Variants in CACNA2D3 observed in about 807,000 individuals in gnomAD.
CACNA2D3 encodes the protein calcium voltage-gated channel auxiliary subunit alpha2delta 3.
Under a neutral mutation model 160.6 loss-of-function variants are expected in CACNA2D3, and 60 were observed. That is an observed-to-expected ratio of 0.37 (90% CI 0.30 to 0.46). CACNA2D3 has a LOEUF of 0.46. Ranked by LOEUF, CACNA2D3 falls within the 20% of genes least tolerant of loss-of-function variation. The pLI is 1.00. For missense variants in CACNA2D3, 1,205 were observed against 1,365.0 expected (o/e 0.88, Z 1.85); for synonymous variants, 558 against 492.9 (o/e 1.13, Z -1.75).
chr3:54,966,395 A>T (rs978038877), intron 27 of CACNA2D3, among the ~76,000 whole-genome samples: 1 of 152,208 alleles, frequency 6.6e-6, no homozygotes, highest in Non-Finnish European at 1.5e-5. Context: ...ATGTTCTCCA[A>T]TGCTGGGAAG....
At chr3:54,802,631 CACAG>C (rs1703019021) in intron 13 of CACNA2D3, among the ~76,000 whole-genome samples, 1 of 152,142 alleles carries the variant, frequency 6.6e-6, no homozygotes, top group African/African-American at 2.4e-5. Context: ...GGGGGCAGGG[CACAG>C]ACAAACAAAA....
chr3:54,128,506 C>T (rs1160555342), intron 2 of CACNA2D3, among the ~76,000 whole-genome samples: 1 of 152,120 alleles, frequency 6.6e-6, no homozygotes, highest in Non-Finnish European at 1.5e-5. Flanking sequence ...GTGTGTTGGG[C>T]CTACCTAAAG....
At chr3:54,964,552 G>A (rs1029021386) in intron 27 of CACNA2D3, among the ~76,000 whole-genome samples, 1 of 152,106 alleles carries the variant, frequency 6.6e-6, no homozygotes, top group Non-Finnish European at 1.5e-5. Context: ...CAAAATAGAC[G>A]GGCTTGACAA....
rs1433636396 is a variant in CACNA2D3, at chr3:54,278,821, C to A, written c.205-41621C>A. ...GACACGGGGAGGGGAACATCACACA[C>A]CAGGGCCTGTCGGGGGATGGGGGGC... On this transcript the variant is annotated intron_variant, in intron 2 of 37. Coordinates refer to ENST00000474759, the MANE Select transcript of CACNA2D3 (RefSeq NM_018398.3). Among the ~76,000 whole-genome samples, 16 of 152,058 alleles carry A rather than the reference C, an allele frequency of 1.1e-4. 1 individual carries two copies.
In CACNA2D3 at chr3:54,966,743, C is replaced by T. The variant is rs138121654; in HGVS notation, c.2450-1707C>T. Among the ~76,000 whole-genome samples the T allele has an allele frequency of 8.1e-4, 123 of 152,192 alleles. No individual in the cohort carries two copies. In the Middle Eastern group the frequency reaches 0.014, roughly 17 times the overall value. ...CTGAGGCATGAGAATCACTTGAACC[C>T]GGGAAGCAGAGGTTGCAGTGAGCTG... is the stretch of plus-strand genomic sequence containing the variant. On this transcript the variant is annotated intron_variant, in intron 27 of 37. Coordinates refer to ENST00000474759, the MANE Select transcript of CACNA2D3 (RefSeq NM_018398.3).
At chr3:54,461,528 T>C (rs1700504377) in intron 4 of CACNA2D3, among the ~76,000 whole-genome samples, 1 of 151,662 alleles carries the variant, frequency 6.6e-6, no homozygotes, top group Non-Finnish European at 1.5e-5. Context: ...TCGAGGAATT[T>C]ATCCATTTCT....
At chr3:54,636,539 G>A (rs1280984631) in intron 10 of CACNA2D3, among the ~76,000 whole-genome samples, 1 of 151,954 alleles carries the variant, frequency 6.6e-6, no homozygotes, top group Non-Finnish European at 1.5e-5. Context: ...TGATTTTTAG[G>A]GCCTCTAAAA....
chr3:55,071,144 A>T (rs909908422), intron 35 of CACNA2D3, among the ~76,000 whole-genome samples: 1 of 152,104 alleles, frequency 6.6e-6, no homozygotes, highest in Admixed American at 6.5e-5. Flanking sequence ...TACTCTGAAT[A>T]TCTGTATATT....
intron 2 of CACNA2D3, among the ~76,000 whole-genome samples, chr3:54,178,192 G>A (rs983782781): frequency 6.6e-6 from 1 of 152,190 alleles, no homozygotes; most frequent in South Asian, 2.1e-4. Flanking sequence ...AACCCTCAGT[G>A]ATGCTAAGAC....
intron 35 of CACNA2D3, among the ~76,000 whole-genome samples, chr3:55,045,821 T>C (rs1704066385): frequency 1.3e-5 from 2 of 152,132 alleles, no homozygotes; most frequent in African/African-American, 4.8e-5. Context: ...AAAAGTTTAT[T>C]AGTTTTATTG....
At chr3:54,508,421 G>C (rs1209066498) in intron 5 of CACNA2D3, among the ~76,000 whole-genome samples, 1 of 152,194 alleles carries the variant, frequency 6.6e-6, no homozygotes, top group Non-Finnish European at 1.5e-5. Context: ...TAAGGTGAGA[G>C]CCCTTGGGCC....
chr3:54,462,996 G>C (rs1394783291), intron 4 of CACNA2D3, among the ~76,000 whole-genome samples: 2 of 150,580 alleles, frequency 1.3e-5, no homozygotes, highest in Non-Finnish European at 3.0e-5. Flanking sequence ...CTCAGCATTT[G>C]CTTGTCTTTA....
chr3:54,247,351 A>G (rs1226477801), intron 2 of CACNA2D3, among the ~76,000 whole-genome samples: 1 of 151,854 alleles, frequency 6.6e-6, no homozygotes, highest in Non-Finnish European at 1.5e-5. Context: ...ACCAAATCCC[A>G]CTATTGTCAA....
chr3:54,294,627 A>C (rs1647012029), intron 2 of CACNA2D3, among the ~76,000 whole-genome samples: 1 of 152,222 alleles, frequency 6.6e-6, no homozygotes, highest in South Asian at 2.1e-4. Context: ...TCTAAAAACA[A>C]CACACATGTG....
intron 21 of CACNA2D3, 139 bp from the exon 22 acceptor site, chr3:54,885,142 C>T (rs926401254): frequency 1.2e-5 from 9 of 743,868 alleles, no homozygotes; most frequent in Non-Finnish European, 1.8e-5. Context: ...AGAAAATAAA[C>T]CTGCTGCTCC....
intron 11 of CACNA2D3, among the ~76,000 whole-genome samples, chr3:54,737,180 A>ATG (rs1260108421): frequency 7.6e-5 from 7 of 91,794 alleles, no homozygotes; most frequent in African/African-American, 1.3e-4. Context: ...ATCCATGTGT[A>ATG]TATGTGTGTG....
chr3:54,185,503 T>G (rs1178409400), intron 2 of CACNA2D3, among the ~76,000 whole-genome samples: 2 of 152,200 alleles, frequency 1.3e-5, no homozygotes, highest in African/African-American at 2.4e-5. Flanking sequence ...GGGCTTTAGA[T>G]TTTTAGAGGT....
intron 11 of CACNA2D3, among the ~76,000 whole-genome samples, chr3:54,683,768 C>G (rs1252796575): frequency 6.6e-6 from 1 of 152,092 alleles, no homozygotes; most frequent in Non-Finnish European, 1.5e-5. Context: ...AGCTAGAAGT[C>G]TGAAATCAAG....
At chr3:54,686,557 T>C (rs994607934) in intron 11 of CACNA2D3, among the ~76,000 whole-genome samples, 1 of 152,228 alleles carries the variant, frequency 6.6e-6, no homozygotes, top group African/African-American at 2.4e-5. Context: ...TACTCTATAA[T>C]TTAGGCTTAG....
Sources: gnomAD v4.1 joint callset for allele counts (sites outside exome capture counted in the v4.1 genomes callset) on GRCh38, gnomAD v4.1.1 for gene constraint, MANE v1.5 for transcripts, NCBI Gene and HGNC (gene_info 2026-07-23, HGNC 2026-07-21) for gene names.